ZNF721: variants seen among roughly 807,000 people sequenced by gnomAD.
The protein encoded by ZNF721 is zinc finger protein 721.
ZNF721 carries 2 observed loss-of-function variants against 2.4 expected under a neutral mutation model. That is an observed-to-expected ratio of 0.82 (90% CI 0.34 to 2.58). The LOEUF (loss-of-function observed/expected upper bound fraction) is 2.58. Among genes scored for constraint, ZNF721 ranks in the 30% most tolerant of loss-of-function variants. The pLI, the probability that ZNF721 is intolerant of heterozygous loss-of-function variation, is 0.11. For synonymous variants in ZNF721, 398 were observed against 381.8 expected, an observed-to-expected ratio of 1.04 and a Z score of -0.50; for missense variants, 1,187 against 1,085.5, an observed-to-expected ratio of 1.09 and a Z score of -1.31.
intron 1 of ZNF721, among the ~76,000 whole-genome samples, chr4:487,316 C>G (rs1243874773): frequency 2.0e-5 from 3 of 152,132 alleles, no homozygotes; most frequent in African/African-American, 4.8e-5. Context: ...ATCTCTATGA[C>G]AACAAGCCCA....
chr4:479,307 C>T (rs1715715799), intron 1 of ZNF721, among the ~76,000 whole-genome samples: 1 of 152,104 alleles, frequency 6.6e-6, no homozygotes, highest in African/African-American at 2.4e-5. Context: ...GGGAAGCAGC[C>T]AGCCCTGCCT....
Position 444,050 on chromosome 4 carries a change from A to G in ZNF721, c.417T>C (p.Cys139=). ...ATCCAAAGTCTTTGCCACGTTCTTC[A>G]CAAGTGTAGGGTTTCTCTCCAGCAT... ...GIHAGEKPYT[C]EERGKDFGWY... The change falls in exon 3 of 3, where the codon TGT becomes TGC. Residue 139 remains cysteine (C), a synonymous_variant. Coordinates refer to ENST00000511833, the MANE Select transcript of ZNF721 (RefSeq NM_133474.4). 6.2e-7 allele frequency: 1 copy of G among 1,613,830 alleles called. No homozygotes were observed. The highest frequency in any genetic ancestry group is 2.2e-5 in the East Asian group (1 of 44,862).
rs988195493 is a variant in ZNF721 at position 477,885 on chromosome 4, A to G, written c.-93-5184T>C. On this transcript the variant is annotated intron_variant, in intron 1 of 2. Coordinates refer to ENST00000511833, the MANE Select transcript of ZNF721 (RefSeq NM_133474.4). The stretch of plus-strand genomic sequence containing the variant: ...AATGCTGCCATTAGATAGGACTGCT[A>G]TAGATCACAGGAACCCATGCATGTA... 5.9e-5 allele frequency among the ~76,000 whole-genome samples: 9 copies of G among 152,182 alleles called. No homozygotes were observed. The East Asian group carries it at 1.7e-3, about 29-fold the overall frequency.
chr4:495,311 CA>C (rs201625826), intron 1 of ZNF721, among the ~76,000 whole-genome samples: 11 of 49,756 alleles, frequency 2.2e-4, no homozygotes, highest in Admixed American at 5.0e-4. Context: ...GTCAACTGAA[CA>C]AAAAAAAAAA....
At chr4:478,245 TC>T (rs1715684098) in intron 1 of ZNF721, among the ~76,000 whole-genome samples, 1 of 152,186 alleles carries the variant, frequency 6.6e-6, no homozygotes, top group Non-Finnish European at 1.5e-5. Context: ...GTGTTCCTCC[TC>T]CCTCAGCTCT....
rs781959208 is a variant in ZNF721 at position 444,143 on chromosome 4, G to A, written c.324C>T (p.His108=). The A allele has an allele frequency of 1.2e-6, 2 of 1,614,112 alleles. No individual in the cohort carries two copies. The highest frequency in any genetic ancestry group is 8.5e-7 in the Non-Finnish European group (1 of 1,179,986). The part of the protein sequence containing the change: ...KDKTRHTGEK[H]FKCNECGKSF... The stretch of plus-strand genomic sequence containing the variant: ...ACTTGCCACATTCGTTACATTTAAA[G>A]TGTTTCTCTCCAGTATGTCTTGTCT... The change falls in exon 3 of 3, where the codon CAC becomes CAT. Residue 108 remains histidine (H), a synonymous_variant. Transcript: ENST00000511833.
chr4:497,856 C>T (rs1271329794), intron 1 of ZNF721, among the ~76,000 whole-genome samples: 9 of 151,706 alleles, frequency 5.9e-5, no homozygotes, highest in South Asian at 4.2e-4. Flanking sequence ...GGAGATGGTG[C>T]CACTGCACTC....
chr4:481,804 A>G (rs1167637566), intron 1 of ZNF721, among the ~76,000 whole-genome samples: 1 of 152,200 alleles, frequency 6.6e-6, no homozygotes, highest in Admixed American at 6.5e-5. Context: ...AGTCTCACAG[A>G]CAAACACCCA....
In ZNF721 at chr4:472,605, A is replaced by T. The variant is rs368780921; in HGVS notation, c.4T>A (p.Leu2Met). 1 of 1,613,708 alleles carries T rather than the reference A, an allele frequency of 6.2e-7. No homozygotes were observed. Among genetic ancestry groups the T allele is most frequent in the Non-Finnish European group, 8.5e-7 (1 of 1,179,966 alleles). ...GAGACCAGGTTTCTGTAGTTCTCCA[A>T]CATCACATCTCTATACAAATTCTGC... M[L>M]ENYRNLVSLA... The change falls in exon 2 of 3, where the codon TTG (leucine) becomes ATG (methionine). Residue 2 changes from leucine to methionine, a missense_variant. Physicochemically the swap from Leu to Met is conservative, Grantham distance 15. Transcript: ENST00000511833.
At chr4:449,421 C>T (rs1714578609) in intron 2 of ZNF721, among the ~76,000 whole-genome samples, 1 of 151,992 alleles carries the variant, frequency 6.6e-6, no homozygotes, top group African/African-American at 2.4e-5. Context: ...AGGCTCCTAC[C>T]TCTTATGATA....
In ZNF721 at chr4:443,876, A is replaced by G. The variant is rs1351315153; in HGVS notation, c.591T>C (p.Asp197=). Residue 197 remains aspartate (D), a synonymous_variant, in exon 3 of 3, where the codon GAT becomes GAC. Transcript: ENST00000511833. The part of the protein sequence containing the change: ...HNREKAYTGE[D]RDRAFGWSTN... ...TGGACCATCCAAAGGCTCTGTCACG[A>G]TCTTCACCTGTGTAAGCTTTCTCTC... 6.2e-7 allele frequency: 1 copy of G among 1,613,628 alleles called. No homozygotes were observed. The highest frequency in any genetic ancestry group is 1.7e-5 in the Admixed American group (1 of 59,990).
At chr4:459,229 G>C (rs1714941220) in intron 2 of ZNF721, among the ~76,000 whole-genome samples, 1 of 152,104 alleles carries the variant, frequency 6.6e-6, no homozygotes, top group Non-Finnish European at 1.5e-5. Flanking sequence ...ACACTATGAA[G>C]AAACTGCACC....
chr4:482,742 G>A (rs782322048), intron 1 of ZNF721, among the ~76,000 whole-genome samples: 7 of 148,672 alleles, frequency 4.7e-5, no homozygotes, highest in African/African-American at 9.9e-5. Flanking sequence ...GGATCTACCC[G>A]CCTCAGCCTC....
chr4:474,365 C>T (rs1190353591), intron 1 of ZNF721, among the ~76,000 whole-genome samples: 1 of 152,308 alleles, frequency 6.6e-6, no homozygotes, highest in East Asian at 1.9e-4. Flanking sequence ...CTGTGCTAGG[C>T]TTGGCTCTGC....
chr4:445,765 T>G (rs1553864078), intron 2 of ZNF721, among the ~76,000 whole-genome samples: 1 of 152,070 alleles, frequency 6.6e-6, no homozygotes, highest in African/African-American at 2.4e-5. Flanking sequence ...TCAACAAACT[T>G]CAACTAGGAT....
Position 472,557 on chromosome 4 carries a change from C to T in ZNF721, c.34+18G>A. The T allele has an allele frequency of 6.3e-7, 1 of 1,594,452 alleles. No homozygotes were observed. Among genetic ancestry groups the T allele is most frequent in the Non-Finnish European group, 8.5e-7 (1 of 1,174,776 alleles). On this transcript the variant is annotated intron_variant, in intron 2 of 2. Coordinates refer to ENST00000511833, the MANE Select transcript of ZNF721 (RefSeq NM_133474.4). ...CTCAGAGGGAGTATTAGGAATTATG[C>T]ATTAAAGTTATCCTCACCTAGGGAG... is the stretch of plus-strand genomic sequence containing the variant.
At position 444,493 on chromosome 4, in the gene ZNF721, A is replaced by G. The variant is rs1714406730; in HGVS notation, c.35-61T>C. 3 of 1,447,714 alleles carry G rather than the reference A, an allele frequency of 2.1e-6. No homozygotes were observed. The South Asian group carries it at 4.2e-5, about 20-fold the overall frequency. 89.7% of individuals were successfully genotyped at this position (1,447,714 alleles called of 1,614,324 possible). A position where few individuals can be genotyped will look rare whatever the true frequency, so the allele number is the denominator to read the frequency against. ...CTAGATTCATATGCATATACTTTAC[A>G]AATCATAAGATTATACAAAGTACGC... is the stretch of plus-strand genomic sequence containing the variant. On this transcript the variant is annotated intron_variant, in intron 2 of 2. Coordinates refer to ENST00000511833, the MANE Select transcript of ZNF721 (RefSeq NM_133474.4).
intron 1 of ZNF721, among the ~76,000 whole-genome samples, chr4:488,254 AC>A (rs1715943903): frequency 6.6e-6 from 1 of 152,134 alleles, no homozygotes; most frequent in Admixed American, 6.6e-5. Context: ...AATATCAAGG[AC>A]CTGGACAACT....
At position 441,709 on chromosome 4, in the gene ZNF721, T is replaced by G. The variant is rs1560222371; in HGVS notation, c.2758A>C (p.Thr920Pro). 2 of 1,608,154 alleles carry G rather than the reference T, an allele frequency of 1.2e-6. No homozygotes were observed. Among genetic ancestry groups the G allele is most frequent in the Non-Finnish European group, 1.7e-6 (2 of 1,176,530 alleles). The change falls in exon 3 of 3, where the codon ACC becomes CCC. Residue 920 changes from threonine (T) to proline (P), a missense_variant. Transcript: ENST00000511833. Reference protein sequence around the residue: ...AHKKIHTGDKTIQV With the variant: ...AHKKIHTGDKPIQV Reference sequence around the variant, plus strand: ...TGCCACATTCTTTACACTTGTATGGTTTTATCTCCAGTATGAATTTTCTTA... The same window carrying G: ...TGCCACATTCTTTACACTTGTATGGGTTTATCTCCAGTATGAATTTTCTTA...
Sources: gnomAD v4.1 joint callset for allele counts (sites outside exome capture counted in the v4.1 genomes callset) on GRCh38, gnomAD v4.1.1 for gene constraint, MANE v1.5 for transcripts, NCBI Gene and HGNC (gene_info 2026-07-23, HGNC 2026-07-21) for gene names.